The following QDPR variants were observed in gnomAD, a reference collection of about 807,000 sequenced individuals.
The protein encoded by QDPR is quinoid dihydropteridine reductase.
QDPR carries 23 observed loss-of-function variants against 31.7 expected under a neutral mutation model. The observed-to-expected ratio is 0.73, with a 90% confidence interval of 0.52 to 1.03. The LOEUF (loss-of-function observed/expected upper bound fraction) is 1.03, where lower values mean the gene tolerates loss of function less well. QDPR is among the 50% of genes least tolerant of loss of function. The probability of loss-of-function intolerance (pLI) is 0.00; values close to 1 mark genes in which losing one functional copy is unlikely to be tolerated. For missense variants in QDPR, 324 were observed against 323.8 expected, an observed-to-expected ratio of 1.00 and a Z score of 0.00; for synonymous variants, 124 against 124.7, an observed-to-expected ratio of 0.99 and a Z score of 0.03.
Position 17,492,278 on chromosome 4 carries a change from T to C in QDPR, c.499A>G (p.Lys167Glu). 2 of 1,614,126 alleles carry C rather than the reference T, an allele frequency of 1.2e-6. No individual in the cohort carries two copies. The highest frequency in any genetic ancestry group is 1.7e-6 in the Non-Finnish European group (2 of 1,180,018). Residue 167 changes from lysine (K) to glutamate (E), a missense_variant, in exon 5 of 7, where the codon AAG becomes GAG. Physicochemically the swap from Lys to Glu is moderately conservative, Grantham distance 56 (BLOSUM62 1). Transcript: ENST00000281243. The stretch of plus-strand genomic sequence containing the variant: ...GCCCCGGGCGGCATGCCGCTGTTCT[T>C]CCCAGCCAGGCTCTGGCAGAGCTGG... ...VHQLCQSLAG[K>E]NSGMPPGAAA...
chr4:17,497,226 T>C (rs1161834080), intron 4 of QDPR, among the ~76,000 whole-genome samples: 1 of 152,182 alleles, frequency 6.6e-6, no homozygotes, highest in Non-Finnish European at 1.5e-5. Context: ...GTGTTTCTTT[T>C]AGTGCCATGT....
chr4:17,490,503 G>A (rs1386946808), intron 6 of QDPR, 159 bp downstream of exon 6: 1 of 651,536 alleles, frequency 1.5e-6, no homozygotes, highest in South Asian at 1.6e-5. Flanking sequence ...GCTACTCTGA[G>A]ATTCCGTCTG....
rs201345615 is a variant in QDPR, at chr4:17,509,293, G to A, written c.176C>T (p.Ser59Leu). 67 of 1,613,894 alleles carry A rather than the reference G, an allele frequency of 4.2e-5. No homozygotes were observed. The highest frequency in any genetic ancestry group is 2.2e-4 in the East Asian group (10 of 44,886). ...TACCTGGTCAGCCTGCTCAGTGAAC[G>A]AGTCTGTCATTTTAACAATGATGCT... ...SASIIVKMTD[S>L]FTEQADQVTA... Residue 59 changes from serine to leucine, a missense_variant, in exon 2 of 7, where the codon TCG (serine) becomes TTG (leucine). Physicochemically the swap from Ser to Leu is moderately radical, Grantham distance 145 (BLOSUM62 -2). Coordinates refer to ENST00000281243, the MANE Select transcript of QDPR (RefSeq NM_000320.3).
intron 2 of QDPR, among the ~76,000 whole-genome samples, chr4:17,509,018 G>T (rs550904799): frequency 6.6e-6 from 1 of 152,002 alleles, no homozygotes; most frequent in Admixed American, 6.6e-5. Context: ...ATTAGCTGGG[G>T]GTGGTGGCAG....
intron 6 of QDPR, among the ~76,000 whole-genome samples, chr4:17,488,766 C>T (rs187143769): frequency 2.6e-5 from 4 of 152,306 alleles, no homozygotes; most frequent in East Asian, 1.9e-4. Context: ...TCTGGGCCAG[C>T]GCTGATGTGT....
At chr4:17,499,655 C>T (rs1018602291) in intron 4 of QDPR, among the ~76,000 whole-genome samples, 4 of 152,340 alleles carry the variant, frequency 2.6e-5, no homozygotes, top group African/African-American at 9.6e-5. Context: ...CGTAGTGGCT[C>T]ATGCCAGTAG....
chr4:17,490,706 A>G lies in QDPR; in HGVS notation c.585T>C (p.Pro195=). The part of the protein sequence containing the change: ...LDTPMNRKSM[P]EADFSSWTPL... Reference sequence around the variant, plus strand: ...GTGTCCAGGAGCTGAAGTCAGCCTCAGGCATTGATTTCCTGTTCATCGGGG... The same window carrying G: ...GTGTCCAGGAGCTGAAGTCAGCCTCGGGCATTGATTTCCTGTTCATCGGGG... The change falls in exon 6 of 7, where the codon CCT becomes CCC. Residue 195 remains proline (P), a synonymous_variant. Coordinates refer to ENST00000281243, the MANE Select transcript of QDPR (RefSeq NM_000320.3). The G allele has an allele frequency of 1.2e-6, 2 of 1,614,088 alleles. No individual in the cohort carries two copies. The highest frequency in any genetic ancestry group is 1.7e-6 in the Non-Finnish European group (2 of 1,179,940).
chr4:17,486,666 T>G lies in QDPR; in HGVS notation c.*465A>C. 1 of 189,446 alleles carries G rather than the reference T, an allele frequency of 5.3e-6. No homozygotes were observed. Among genetic ancestry groups the G allele is most frequent in the Non-Finnish European group, 1.1e-5 (1 of 89,608 alleles). 11.7% of individuals were successfully genotyped at this position (189,446 alleles called of 1,614,324 possible). A position where few individuals can be genotyped will look rare whatever the true frequency, so the allele number is the denominator to read the frequency against. Reference sequence around the variant, plus strand: ...GGATACCAGGACAGAGTCCATGTAGTTTTGCTTATACCACAAAAGGAGTTA... The same window carrying G: ...GGATACCAGGACAGAGTCCATGTAGGTTTGCTTATACCACAAAAGGAGTTA... On this transcript the variant is annotated 3_prime_UTR_variant, in exon 7 of 7. Coordinates refer to ENST00000281243, the MANE Select transcript of QDPR (RefSeq NM_000320.3).
rs772150858 is a variant in QDPR at position 17,487,133 on chromosome 4, A to G, written c.733T>C (p.Ter245GlnextTer7). ...GRTELTPAYF* is the reference protein window; with the variant it reads ...GRTELTPAYFQ ...CCTCATAGGCACTGAGATGAGGCCTAAAAATATGCTGGGGTGAGTTCCGTC... is the reference window on the plus strand; with the variant it reads ...CCTCATAGGCACTGAGATGAGGCCTGAAAATATGCTGGGGTGAGTTCCGTC... The change falls in exon 7 of 7, where the codon TAG (stop) becomes CAG (glutamine). Residue 245 changes from the stop codon to glutamine, a stop_lost. Transcript: ENST00000281243. The G allele has an allele frequency of 1.9e-6, 3 of 1,613,404 alleles. No homozygotes were observed. Among genetic ancestry groups the G allele is most frequent in the Non-Finnish European group, 2.5e-6 (3 of 1,179,502 alleles).
intron 2 of QDPR, among the ~76,000 whole-genome samples, chr4:17,508,275 A>T (rs545968835): frequency 6.6e-6 from 1 of 152,308 alleles, no homozygotes; most frequent in East Asian, 1.9e-4. Flanking sequence ...TGTCTCTACT[A>T]AAAATACAAA....
chr4:17,505,243 C>CTTTTTTTTTTTTTT (rs1230268105), intron 2 of QDPR, among the ~76,000 whole-genome samples: 1 of 103,298 alleles, frequency 9.7e-6, no homozygotes, highest in Non-Finnish European at 2.0e-5. Flanking sequence ...CTTAAGATTT[C>CTTTTTTTTTTTTTT]TTTTTTTTTT....
At chr4:17,493,936 G>C (rs879166288) in intron 4 of QDPR, among the ~76,000 whole-genome samples, 1 of 152,102 alleles carries the variant, frequency 6.6e-6, no homozygotes, top group Non-Finnish European at 1.5e-5. Flanking sequence ...GGCTCATAAC[G>C]ACACACAGGA....
chr4:17,496,624 T>C (rs1256429324), intron 4 of QDPR, among the ~76,000 whole-genome samples: 1 of 151,798 alleles, frequency 6.6e-6, no homozygotes, highest in East Asian at 1.9e-4. Flanking sequence ...TATCGAGTCA[T>C]CAAATTATGG....
At chr4:17,509,196 A>C (rs1718904921) in intron 2 of QDPR, 75 bp downstream of exon 2, 5 of 1,146,064 alleles carry the variant, frequency 4.4e-6, no homozygotes, top group Non-Finnish European at 6.6e-6. Context: ...ATACAGCCAA[A>C]GGAAGAACAT....
intron 3 of QDPR, among the ~76,000 whole-genome samples, chr4:17,502,389 A>C (rs1718602620): frequency 6.6e-6 from 1 of 152,206 alleles, no homozygotes; most frequent in Non-Finnish European, 1.5e-5. Flanking sequence ...CTTGCCAGAG[A>C]CATAAGGAAG....
chr4:17,501,946 G>C (rs900277220), intron 3 of QDPR, 87 bp from the exon 4 acceptor site: 3 of 1,565,070 alleles, frequency 1.9e-6, no homozygotes, highest in Non-Finnish European at 1.7e-6. Flanking sequence ...ACTCAGGGAG[G>C]CCCTCCCTCC....
chr4:17,496,174 G>T (rs566289691), intron 4 of QDPR, among the ~76,000 whole-genome samples: 15 of 151,984 alleles, frequency 9.9e-5, no homozygotes, highest in Admixed American at 9.8e-4. Flanking sequence ...GGCCAGGTGC[G>T]GTGGCTCACG....
At position 17,504,373 on chromosome 4, in the gene QDPR, A is replaced by T. The variant is rs1359006490; in HGVS notation, c.295+6T>A. The T allele has an allele frequency of 6.2e-7, 1 of 1,611,054 alleles. No homozygotes were observed. The highest frequency in any genetic ancestry group is 1.7e-5 in the Admixed American group (1 of 60,022). On this transcript the variant is annotated splice_donor_region_variant and intron_variant, in intron 3 of 6. Coordinates refer to ENST00000281243, the MANE Select transcript of QDPR (RefSeq NM_000320.3). ...GAACAAATGAGTGACTCAGGAAAGG[A>T]CTCACACTTGGATTTGGCATTGCCC...
At chr4:17,506,677 A>G (rs956915448) in intron 2 of QDPR, among the ~76,000 whole-genome samples, 1 of 152,242 alleles carries the variant, frequency 6.6e-6, no homozygotes, top group Non-Finnish European at 1.5e-5. Flanking sequence ...GTTAATGAAA[A>G]TAAAGCACTG....
Sources: gnomAD v4.1 joint callset for allele counts (sites outside exome capture counted in the v4.1 genomes callset) on GRCh38, gnomAD v4.1.1 for gene constraint, MANE v1.5 for transcripts, NCBI Gene and HGNC (gene_info 2026-07-23, HGNC 2026-07-21) for gene names.